The following DPF3 variants were observed in gnomAD, a reference collection of about 807,000 sequenced individuals.
The protein encoded by DPF3 is double PHD fingers 3, also known as zinc finger protein DPF3.
Under a neutral mutation model 56.8 loss-of-function variants are expected in DPF3, and 18 were observed. The ratio of observed to expected loss-of-function variants is 0.32; its 90% CI spans 0.22 to 0.47. DPF3 has a LOEUF of 0.47. Among genes scored for constraint, DPF3 ranks in the 20% least tolerant of loss-of-function variants. DPF3 has a pLI of 1.00. For synonymous variants in DPF3, 188 were observed against 180.2 expected, an observed-to-expected ratio of 1.04 and a Z score of -0.35; for missense variants, 403 against 488.8, an observed-to-expected ratio of 0.82 and a Z score of 1.65.
intron 8 of DPF3, among the ~76,000 whole-genome samples, chr14:72,669,176 G>T (rs933349109): frequency 6.6e-6 from 1 of 152,138 alleles, no homozygotes; most frequent in Non-Finnish European, 1.5e-5. Context: ...CTCATTTCTG[G>T]GTTTCTTGGC....
intron 1 of DPF3, among the ~76,000 whole-genome samples, chr14:72,784,319 C>T (rs1892118773): frequency 6.6e-6 from 1 of 152,122 alleles, no homozygotes; most frequent in African/African-American, 2.4e-5. Flanking sequence ...TAAAAATACA[C>T]TGGGAACCAA....
chr14:72,677,611 A>G (rs546403043), intron 7 of DPF3, among the ~76,000 whole-genome samples: 3 of 128,038 alleles, frequency 2.3e-5, no homozygotes, highest in African/African-American at 9.4e-5. Context: ...AACCCCTACA[A>G]TCTGTGGGAT....
intron 1 of DPF3, among the ~76,000 whole-genome samples, chr14:72,792,672 G>A (rs944038829): frequency 9.2e-5 from 14 of 151,792 alleles, no homozygotes; most frequent in Admixed American, 6.6e-4. Context: ...CAGTAGCAGC[G>A]CCTGCTCCTA....
rs1883733509 is a variant in DPF3, at chr14:72,611,651, C to A, written c.*7646G>T. 6.6e-6 allele frequency among the ~76,000 whole-genome samples: 1 copy of A among 152,200 alleles called. No homozygotes were observed. Among genetic ancestry groups the A allele is most frequent in the Non-Finnish European group, 1.5e-5 (1 of 68,038 alleles). On this transcript the variant is annotated 3_prime_UTR_variant, in exon 11 of 11. Transcript: ENST00000556509. The stretch of plus-strand genomic sequence containing the variant: ...AAACCCACAAGCAGCTCTGGGGACA[C>A]TGGCTGCCCAACACACTCCAGGCCA...
chr14:72,742,066 A>G (rs578243790), intron 3 of DPF3, among the ~76,000 whole-genome samples: 1 of 152,324 alleles, frequency 6.6e-6, no homozygotes, highest in East Asian at 1.9e-4. Context: ...GACGGACAGG[A>G]AGGCAAAAGG....
intron 7 of DPF3, among the ~76,000 whole-genome samples, chr14:72,683,005 T>C (rs1887227214): frequency 6.6e-6 from 1 of 152,188 alleles, no homozygotes; most frequent in Admixed American, 6.5e-5. Flanking sequence ...TTCTGTAAGG[T>C]AGTGGTTTAC....
chr14:72,893,942 C>G, intron 1 of DPF3, 115 bp downstream of exon 1: 1 of 1,217,576 alleles, frequency 8.2e-7, no homozygotes, highest in Non-Finnish European at 1.2e-6. Flanking sequence ...AGAAGCCCCG[C>G]CGCGGCTGGA....
chr14:72,760,594 CCTT>C (rs1891031028), intron 2 of DPF3, among the ~76,000 whole-genome samples: 3 of 152,104 alleles, frequency 2.0e-5, no homozygotes, highest in Non-Finnish European at 4.4e-5. Context: ...ATTGTAGACT[CCTT>C]ATACTATTCA....
chr14:72,640,122 A>G (rs1027538649), intron 8 of DPF3, among the ~76,000 whole-genome samples: 15 of 150,890 alleles, frequency 9.9e-5, no homozygotes, highest in African/African-American at 3.7e-4. Flanking sequence ...AGGAAATATA[A>G]GGTGCATGGT....
intron 8 of DPF3, chr14:72,670,003 G>A: frequency 1.0e-6 from 1 of 985,974 alleles, no homozygotes; most frequent in Non-Finnish European, 1.2e-6. Context: ...CAGTGAGGTG[G>A]GTGGCCTTCT....
intron 6 of DPF3, among the ~76,000 whole-genome samples, chr14:72,701,562 GGGA>G (rs1434858208): frequency 6.6e-6 from 1 of 152,166 alleles, no homozygotes; most frequent in Admixed American, 6.5e-5. Flanking sequence ...GGGGGGAGCA[GGGA>G]GGAGGAGGAA....
At chr14:72,645,671 C>T (rs774402912) in intron 8 of DPF3, among the ~76,000 whole-genome samples, 1 of 152,106 alleles carries the variant, frequency 6.6e-6, no homozygotes. Flanking sequence ...GCATTGCAAG[C>T]CTCTTTGCTG....
intron 1 of DPF3, among the ~76,000 whole-genome samples, chr14:72,773,625 C>T (rs921187544): frequency 1.9e-4 from 29 of 152,150 alleles, no homozygotes; most frequent in Admixed American, 1.6e-3. Context: ...CTCCCCGTTC[C>T]GCCTCTGCCC....
At chr14:72,634,915 C>T (rs551642158) in intron 8 of DPF3, among the ~76,000 whole-genome samples, 1 of 152,238 alleles carries the variant, frequency 6.6e-6, no homozygotes, top group East Asian at 1.9e-4. Context: ...AAATGGTGCA[C>T]TGTGCATGAT....
intron 1 of DPF3, chr14:72,880,000 C>G: frequency 3.5e-6 from 5 of 1,437,048 alleles, no homozygotes; most frequent in Non-Finnish European, 4.6e-6. Context: ...ACTGAGTAGC[C>G]TGCACACTAG....
Position 72,750,658 on chromosome 14 carries a change from G to A in DPF3, c.301+2606C>T, listed in dbSNP as rs186605783. Among the ~76,000 whole-genome samples, 147 of 152,122 alleles carry A rather than the reference G, an allele frequency of 9.7e-4. 1 individual carries two copies. Among genetic ancestry groups the A allele is most frequent in the Middle Eastern group, 3.4e-3 (1 of 294 alleles). ...AAATGAAGAAACTTTATATTTTGCT[G>A]TGGACAATATCTAAGGCACATTTTT... On this transcript the variant is annotated intron_variant, in intron 3 of 10. Coordinates refer to ENST00000556509, the MANE Select transcript of DPF3 (RefSeq NM_001280542.3).
intron 1 of DPF3, among the ~76,000 whole-genome samples, chr14:72,827,695 G>T (rs1883872265): frequency 6.6e-6 from 1 of 151,674 alleles, no homozygotes. Flanking sequence ...GGCCAGGCTG[G>T]TCTCAAACTC....
chr14:72,749,069 T>C (rs1008339850), intron 3 of DPF3, among the ~76,000 whole-genome samples: 22 of 152,224 alleles, frequency 1.4e-4, no homozygotes, highest in Admixed American at 1.2e-3. Flanking sequence ...GTAGATCCAC[T>C]GACGGCTTGC....
At chr14:72,651,553 T>G (rs947141375) in intron 8 of DPF3, among the ~76,000 whole-genome samples, 4 of 152,154 alleles carry the variant, frequency 2.6e-5, no homozygotes, top group African/African-American at 9.7e-5. Flanking sequence ...AAAGTAATTT[T>G]TTGAATGTCA....
Sources: gnomAD v4.1 joint callset for allele counts (sites outside exome capture counted in the v4.1 genomes callset) on GRCh38, gnomAD v4.1.1 for gene constraint, MANE v1.5 for transcripts, NCBI Gene and HGNC (gene_info 2026-07-23, HGNC 2026-07-21) for gene names.